The following PCDHA8 variants were observed in gnomAD, a reference collection of about 807,000 sequenced individuals.
PCDHA8 encodes the protein protocadherin alpha-8.
PCDHA8 carries 53 observed loss-of-function variants against 61.8 expected under a neutral mutation model. The observed-to-expected ratio is 0.86, with a 90% confidence interval of 0.69 to 1.08. The LOEUF is 1.08. PCDHA8 is among the 50% of genes least tolerant of loss of function. The pLI is 0.00. For missense variants in PCDHA8, 1,293 were observed against 1,245.0 expected (o/e 1.04, Z -0.58); for synonymous variants, 618 against 556.6 (o/e 1.11, Z -1.55).
At chr5:140,852,771 G>A (rs1284369835) in intron 1 of PCDHA8, 2 of 980,778 alleles carry the variant, frequency 2.0e-6, no homozygotes, top group African/African-American at 3.5e-5. Context: ...CTGATTATTT[G>A]ATGTGAATAG....
At chr5:140,857,620 C>T (rs782083775) in intron 1 of PCDHA8, 2 of 1,596,564 alleles carry the variant, frequency 1.3e-6, no homozygotes, top group East Asian at 2.2e-5. Context: ...CGCTGGACCA[C>T]GAGGAGCTGG....
chr5:140,957,328 G>A (rs1312649094), intron 1 of PCDHA8, among the ~76,000 whole-genome samples: 1 of 152,134 alleles, frequency 6.6e-6, no homozygotes, highest in Admixed American at 6.5e-5. Context: ...GCACAGTACA[G>A]TAAGATATTT....
chr5:140,941,202 C>CTTT (rs1554213921), intron 1 of PCDHA8, among the ~76,000 whole-genome samples: 9,869 of 122,696 alleles, frequency 0.08, 560 homozygotes, highest in East Asian at 0.13. Flanking sequence ...TTTCTTTCTT[C>CTTT]CTTTCTTTCT....
At chr5:140,875,508 G>A (rs1007736035) in intron 1 of PCDHA8, 19 of 1,613,588 alleles carry the variant, frequency 1.2e-5, no homozygotes, top group Non-Finnish European at 1.6e-5. Flanking sequence ...CGGGATCCCA[G>A]CGTCTGCTGC....
chr5:140,876,651 T>TC, intron 1 of PCDHA8: 1 of 1,614,178 alleles, frequency 6.2e-7, no homozygotes, highest in South Asian at 1.1e-5. Context: ...CACCTCATGT[T>TC]CCCTTCAAGC....
intron 1 of PCDHA8, chr5:140,849,923 G>A (rs145904051): frequency 6.3e-7 from 1 of 1,598,322 alleles, no homozygotes; most frequent in Middle Eastern, 1.7e-4. Context: ...ACATCTTCAC[G>A]GTGTCTGCGC....
intron 1 of PCDHA8, among the ~76,000 whole-genome samples, chr5:140,935,315 A>G (rs552631416): frequency 5.9e-5 from 9 of 152,306 alleles, no homozygotes; most frequent in East Asian, 5.8e-4. Context: ...AACTTCATCA[A>G]TCTTACATTC....
chr5:140,917,106 TC>T (rs1554197830), intron 1 of PCDHA8, among the ~76,000 whole-genome samples: 1 of 152,094 alleles, frequency 6.6e-6, no homozygotes, highest in African/African-American at 2.4e-5. Context: ...GTGCTTTACT[TC>T]CTCCAAGTGC....
chr5:140,871,180 G>C (rs376198166), intron 1 of PCDHA8: 48 of 1,613,470 alleles, frequency 3.0e-5, no homozygotes, highest in Non-Finnish European at 3.9e-5. Context: ...GGCTGCGCTG[G>C]TGGATGTCAA....
intron 1 of PCDHA8, among the ~76,000 whole-genome samples, chr5:140,890,310 G>C (rs1554184247): frequency 6.6e-6 from 1 of 152,160 alleles, no homozygotes; most frequent in African/African-American, 2.4e-5. Context: ...GTAATATTAA[G>C]TTGTTTTAAG....
At chr5:140,894,469 C>T (rs183471525) in intron 1 of PCDHA8, among the ~76,000 whole-genome samples, 8 of 151,852 alleles carry the variant, frequency 5.3e-5, no homozygotes, top group Admixed American at 5.2e-4. Context: ...ACTTTTTATT[C>T]TTGTTTTCAT....
chr5:140,948,029 T>A (rs1372869400), intron 1 of PCDHA8, among the ~76,000 whole-genome samples: 1 of 151,594 alleles, frequency 6.6e-6, no homozygotes, highest in African/African-American at 2.4e-5. Flanking sequence ...TCTGGTTTGC[T>A]CAGAGTTTTA....
At chr5:140,853,891 G>T in intron 1 of PCDHA8, 1 of 976,002 alleles carries the variant, frequency 1.0e-6, no homozygotes. Flanking sequence ...AATTTAAAAA[G>T]ATGTGGTGGC....
At chr5:140,861,401 G>T in intron 1 of PCDHA8, 1 of 465,630 alleles carries the variant, frequency 2.1e-6, no homozygotes, top group Non-Finnish European at 4.4e-6. Flanking sequence ...TGGAGCTTGT[G>T]GAGCTGATAC....
chr5:140,981,220 C>T (rs1160783614), intron 2 of PCDHA8, among the ~76,000 whole-genome samples: 3 of 152,164 alleles, frequency 2.0e-5, no homozygotes, highest in African/African-American at 4.8e-5. Context: ...CCCCTTTAGT[C>T]AGTAGTCTAA....
chr5:140,945,539 A>G (rs1233256432), intron 1 of PCDHA8, among the ~76,000 whole-genome samples: 1 of 152,052 alleles, frequency 6.6e-6, no homozygotes, highest in Non-Finnish European at 1.5e-5. Flanking sequence ...AAACATACAA[A>G]CAAAAAAATG....
chr5:140,873,878 C>T (rs926010571), intron 1 of PCDHA8, among the ~76,000 whole-genome samples: 2 of 152,196 alleles, frequency 1.3e-5, no homozygotes, highest in African/African-American at 4.8e-5. Context: ...CCAGGCTGGT[C>T]TTGAACTCCT....
At chr5:140,852,883 G>C in intron 1 of PCDHA8, 1 of 933,168 alleles carries the variant, frequency 1.1e-6, no homozygotes. Flanking sequence ...ATCATAAAAC[G>C]TATTTTTTTT....
intron 1 of PCDHA8, chr5:140,857,987 C>T: frequency 6.3e-7 from 1 of 1,596,876 alleles, no homozygotes; most frequent in Admixed American, 1.7e-5. Context: ...CCAGCGCCTA[C>T]TGGTGCTGGT....
Sources: gnomAD v4.1 joint callset for allele counts (sites outside exome capture counted in the v4.1 genomes callset) on GRCh38, gnomAD v4.1.1 for gene constraint, MANE v1.5 for transcripts, NCBI Gene and HGNC (gene_info 2026-07-23, HGNC 2026-07-21) for gene names.